The following ARHGAP26 variants were observed in gnomAD, a reference collection of about 807,000 sequenced individuals.
The protein encoded by ARHGAP26 is rho GTPase-activating protein 26.
A neutral mutation model predicts 104.8 loss-of-function variants in ARHGAP26; 38 were observed. The ratio of observed to expected loss-of-function variants is 0.36; its 90% CI spans 0.28 to 0.48. The LOEUF is 0.48. ARHGAP26 is among the 20% of genes least tolerant of loss of function. ARHGAP26 has a pLI of 0.99. For missense variants in ARHGAP26, 704 were observed against 947.9 expected, an observed-to-expected ratio of 0.74 and a Z score of 3.38; for synonymous variants, 341 against 340.0, an observed-to-expected ratio of 1.00 and a Z score of -0.03.
Position 143,205,637 on chromosome 5 carries a change from G to A in ARHGAP26, c.1989-1561G>A, listed in dbSNP as rs111425658. Reference sequence around the variant, plus strand: ...AGTCCTGCTATGTCAGAGGGAGTACGCTGGCTGCAGGAGCCCTGGGCTTAG... The same window carrying A: ...AGTCCTGCTATGTCAGAGGGAGTACACTGGCTGCAGGAGCCCTGGGCTTAG... On this transcript the variant is annotated intron_variant, in intron 20 of 22. Transcript: ENST00000645722. Among the ~76,000 whole-genome samples the A allele has an allele frequency of 4.2e-3, 638 of 152,314 alleles. 4 individuals are homozygous for A. The highest frequency in any genetic ancestry group is 0.014 in the African/African-American group (596 of 41,562).
chr5:143,203,973 T>G (rs1808177900), intron 20 of ARHGAP26, among the ~76,000 whole-genome samples: 1 of 151,758 alleles, frequency 6.6e-6, no homozygotes, highest in African/African-American at 2.4e-5. Flanking sequence ...ATGTAGATGA[T>G]GGGTTGATGG....
At chr5:143,076,923 A>G (rs932262646) in intron 17 of ARHGAP26, among the ~76,000 whole-genome samples, 3 of 152,102 alleles carry the variant, frequency 2.0e-5, no homozygotes, top group South Asian at 2.1e-4. Context: ...AGTTTTTAAC[A>G]TTATAAGCAA....
chr5:142,847,035 G>A (rs1431527161), intron 1 of ARHGAP26, among the ~76,000 whole-genome samples: 1 of 151,996 alleles, frequency 6.6e-6, no homozygotes, highest in Non-Finnish European at 1.5e-5. Flanking sequence ...CCCATGTGGG[G>A]CTGCCAGAGT....
At chr5:143,116,819 C>T (rs1475318694) in intron 17 of ARHGAP26, among the ~76,000 whole-genome samples, 1 of 152,208 alleles carries the variant, frequency 6.6e-6, no homozygotes, top group Non-Finnish European at 1.5e-5. Flanking sequence ...CTCATTGAAT[C>T]CAGTTCATGC....
intron 20 of ARHGAP26, among the ~76,000 whole-genome samples, chr5:143,182,944 TGG>T (rs1016932969): frequency 1.3e-5 from 2 of 152,124 alleles, no homozygotes; most frequent in African/African-American, 4.8e-5. Flanking sequence ...TGCTACCAGT[TGG>T]GAAGTGCCCC....
chr5:143,051,391 CT>C (rs1458865796), intron 14 of ARHGAP26, among the ~76,000 whole-genome samples: 2 of 152,176 alleles, frequency 1.3e-5, no homozygotes, highest in African/African-American at 4.8e-5. Flanking sequence ...CACATGATGC[CT>C]TTTGTACATT....
intron 1 of ARHGAP26, among the ~76,000 whole-genome samples, chr5:142,848,845 T>C (rs1165379069): frequency 6.6e-6 from 1 of 152,210 alleles, no homozygotes; most frequent in Admixed American, 6.5e-5. Context: ...CCAGTGGGCA[T>C]CCGATTTATG....
chr5:142,898,163 TACACACACACATACACAC>T (rs1263087079), intron 6 of ARHGAP26, among the ~76,000 whole-genome samples: 2 of 129,548 alleles, frequency 1.5e-5, no homozygotes, highest in East Asian at 3.2e-4. Context: ...TATATATATA[TACACACACACATACACAC>T]ACACACACAC....
At chr5:143,034,795 A>G (rs1782378955) in intron 12 of ARHGAP26, among the ~76,000 whole-genome samples, 1 of 152,208 alleles carries the variant, frequency 6.6e-6, no homozygotes, top group Non-Finnish European at 1.5e-5. Flanking sequence ...GGATTCCAAC[A>G]GGTATTTGGC....
At chr5:143,105,901 A>G (rs537809474) in intron 17 of ARHGAP26, among the ~76,000 whole-genome samples, 2 of 152,300 alleles carry the variant, frequency 1.3e-5, no homozygotes, top group Admixed American at 1.3e-4. Context: ...ATTGCCAAAT[A>G]GAGAAGAGAC....
chr5:142,850,133 A>C, intron 1 of ARHGAP26, among the ~76,000 whole-genome samples: 1 of 151,950 alleles, frequency 6.6e-6, no homozygotes. Context: ...AGCTCTGCCT[A>C]CCTCTCCTGC....
chr5:143,161,107 T>G (rs1188215141), intron 20 of ARHGAP26, among the ~76,000 whole-genome samples: 1 of 151,270 alleles, frequency 6.6e-6, no homozygotes, highest in Non-Finnish European at 1.5e-5. Context: ...CACCTCCTAG[T>G]TTCAAGTGAT....
chr5:142,966,300 T>A (rs1010001977), intron 11 of ARHGAP26, among the ~76,000 whole-genome samples: 25 of 152,194 alleles, frequency 1.6e-4, no homozygotes, highest in African/African-American at 4.6e-4. Flanking sequence ...CGTGACTAAT[T>A]TCCTCCTGCT....
chr5:143,107,237 G>A (rs1332338672), intron 17 of ARHGAP26, among the ~76,000 whole-genome samples: 1 of 152,170 alleles, frequency 6.6e-6, no homozygotes, highest in Non-Finnish European at 1.5e-5. Context: ...TAAGAGCATG[G>A]TGGTATGACA....
At chr5:142,978,817 C>G (rs1412900795) in intron 11 of ARHGAP26, among the ~76,000 whole-genome samples, 2 of 142,960 alleles carry the variant, frequency 1.4e-5, no homozygotes, top group South Asian at 4.3e-4. Context: ...TATAAAGAAG[C>G]ATAATGGATG....
intron 11 of ARHGAP26, among the ~76,000 whole-genome samples, chr5:142,974,176 C>G (rs761986993): frequency 2.6e-5 from 4 of 151,358 alleles, no homozygotes; most frequent in Non-Finnish European, 4.4e-5. Flanking sequence ...CTATCCTGTT[C>G]CATTTATCCC....
intron 11 of ARHGAP26, among the ~76,000 whole-genome samples, chr5:142,967,179 A>T (rs1213572145): frequency 6.6e-6 from 1 of 152,214 alleles, no homozygotes; most frequent in East Asian, 1.9e-4. Flanking sequence ...TGGAAGTAAG[A>T]TTCAGGGCAG....
chr5:143,065,857 G>A (rs754101484), intron 17 of ARHGAP26, among the ~76,000 whole-genome samples: 1 of 152,190 alleles, frequency 6.6e-6, no homozygotes, highest in Non-Finnish European at 1.5e-5. Flanking sequence ...TTTGGCCAGT[G>A]GGAGAAGGGA....
intron 17 of ARHGAP26, among the ~76,000 whole-genome samples, chr5:143,067,067 G>A (rs569785806): frequency 1.1e-3 from 164 of 151,680 alleles, no homozygotes; most frequent in African/African-American, 3.7e-3. Context: ...TCTTGGTGTC[G>A]CAAGGCTGAT....
Sources: allele counts gnomAD v4.1 joint callset (sites outside exome capture counted in the v4.1 genomes callset), GRCh38; gene constraint gnomAD v4.1.1; transcripts MANE v1.5; gene names NCBI Gene and HGNC (gene_info 2026-07-23, HGNC 2026-07-21).